The following CADM2 variants were observed in gnomAD, a reference collection of about 807,000 sequenced individuals.
The protein encoded by CADM2 is immunoglobulin superfamily member 4D.
CADM2 carries 12 observed loss-of-function variants against 49.8 expected under a neutral mutation model. The ratio of observed to expected loss-of-function variants is 0.24; its 90% confidence interval spans 0.15 to 0.39. The LOEUF is 0.39. Ranked by LOEUF, CADM2 falls within the 10% of genes least tolerant of loss-of-function variation. The pLI is 1.00. For missense variants in CADM2, 378 were observed against 492.3 expected (o/e 0.77, Z 2.20); for synonymous variants, 214 against 175.4 (o/e 1.22, Z -1.74).
intron 1 of CADM2, among the ~76,000 whole-genome samples, chr3:85,257,956 T>C (rs2042926953): frequency 6.6e-6 from 1 of 152,112 alleles, no homozygotes; most frequent in Non-Finnish European, 1.5e-5. Context: ...ATAATGTCTT[T>C]TTCTTAAAAT....
At chr3:85,556,671 A>C (rs1032282534) in intron 1 of CADM2, among the ~76,000 whole-genome samples, 1 of 152,148 alleles carries the variant, frequency 6.6e-6, no homozygotes, top group African/African-American at 2.4e-5. Flanking sequence ...CAGAGAAACG[A>C]TTTATTTCAC....
intron 3 of CADM2, among the ~76,000 whole-genome samples, chr3:85,865,403 T>C (rs1272945485): frequency 6.6e-6 from 1 of 152,134 alleles, no homozygotes; most frequent in Non-Finnish European, 1.5e-5. Context: ...CCTTCATATT[T>C]TTATTATTAT....
At chr3:85,711,605 A>C (rs890128825) in intron 1 of CADM2, among the ~76,000 whole-genome samples, 1 of 152,174 alleles carries the variant, frequency 6.6e-6, no homozygotes, top group Non-Finnish European at 1.5e-5. Context: ...TTTACATTCT[A>C]GATCACATTG....
chr3:86,057,212 C>T (rs1738099095), intron 8 of CADM2, among the ~76,000 whole-genome samples: 1 of 152,000 alleles, frequency 6.6e-6, no homozygotes, highest in African/African-American at 2.4e-5. Flanking sequence ...TGTCAAAGAA[C>T]AGTTTATTTT....
intron 1 of CADM2, among the ~76,000 whole-genome samples, chr3:85,233,958 G>T (rs2042356154): frequency 6.6e-6 from 1 of 152,004 alleles, no homozygotes; most frequent in South Asian, 2.1e-4. Flanking sequence ...ATATTAGCTA[G>T]CTTAGCTAAC....
chr3:85,403,940 C>A (rs1289754886), intron 1 of CADM2, among the ~76,000 whole-genome samples: 1 of 151,880 alleles, frequency 6.6e-6, no homozygotes, highest in Non-Finnish European at 1.5e-5. Flanking sequence ...ATATTGTGAA[C>A]AAGCTGATCA....
chr3:85,328,009 T>A (rs2044803787), intron 1 of CADM2, among the ~76,000 whole-genome samples: 1 of 152,188 alleles, frequency 6.6e-6, no homozygotes. Context: ...CTGTGATTAT[T>A]GTTTTCAGTC....
At chr3:85,454,071 G>A (rs1038617403) in intron 1 of CADM2, among the ~76,000 whole-genome samples, 1 of 152,038 alleles carries the variant, frequency 6.6e-6, no homozygotes, top group Non-Finnish European at 1.5e-5. Context: ...AAAAATACAA[G>A]CGGCTGGGCG....
At chr3:86,033,596 C>T (rs1734796015) in intron 8 of CADM2, among the ~76,000 whole-genome samples, 1 of 149,932 alleles carries the variant, frequency 6.7e-6, no homozygotes, top group Non-Finnish European at 1.5e-5. Context: ...TAGTTTTTTC[C>T]TTCCAATTTT....
chr3:85,650,720 A>G (rs1331412918), intron 1 of CADM2, among the ~76,000 whole-genome samples: 1 of 151,700 alleles, frequency 6.6e-6, no homozygotes, highest in African/African-American at 2.4e-5. Flanking sequence ...TATGTTGAAC[A>G]CTCAAGTTTG....
chr3:85,657,531 C>A (rs989083839), intron 1 of CADM2, among the ~76,000 whole-genome samples: 5 of 151,446 alleles, frequency 3.3e-5, no homozygotes, highest in Non-Finnish European at 7.4e-5. Flanking sequence ...CTATACGTAT[C>A]TTTGTCTTTC....
intron 8 of CADM2, among the ~76,000 whole-genome samples, chr3:86,021,553 C>T (rs1733184457): frequency 6.6e-6 from 1 of 151,926 alleles, no homozygotes. Flanking sequence ...AATAAAGATC[C>T]CATTTAGCTT....
At chr3:85,011,111 G>A (rs1021681551) in intron 1 of CADM2, among the ~76,000 whole-genome samples, 29 of 151,912 alleles carry the variant, frequency 1.9e-4, no homozygotes, top group African/African-American at 7.0e-4. Context: ...TGATCCGCCC[G>A]CCTCAGCCTC....
At chr3:85,781,386 A>ACTTTCCTTCCTT (rs1385814647) in intron 2 of CADM2, among the ~76,000 whole-genome samples, 1 of 152,080 alleles carries the variant, frequency 6.6e-6, no homozygotes, top group Non-Finnish European at 1.5e-5. Flanking sequence ...TTTAGGTTCT[A>ACTTTCCTTCCTT]TATTCTACTT....
intron 3 of CADM2, among the ~76,000 whole-genome samples, chr3:85,873,783 A>T (rs1711499557): frequency 6.6e-6 from 1 of 152,132 alleles, no homozygotes; most frequent in African/African-American, 2.4e-5. Context: ...TGAATTTTTG[A>T]TGTATGTGAG....
chr3:85,540,174 C>A (rs772564312), intron 1 of CADM2, among the ~76,000 whole-genome samples: 62 of 152,132 alleles, frequency 4.1e-4, no homozygotes, highest in Non-Finnish European at 2.8e-4. Context: ...GGATTATATT[C>A]ATTTTCATCA....
At chr3:86,022,017 G>T (rs191634767) in intron 8 of CADM2, among the ~76,000 whole-genome samples, 10 of 152,134 alleles carry the variant, frequency 6.6e-5, no homozygotes, top group Admixed American at 5.9e-4. Context: ...CTGAAATAAT[G>T]CAAAGTGTTC....
At chr3:85,652,772 C>CTTTTTTTTTTTTTTTGTTTTTTTTTTTTT (rs2065085110) in intron 1 of CADM2, among the ~76,000 whole-genome samples, 1 of 50,782 alleles carries the variant, frequency 2.0e-5, no homozygotes. Flanking sequence ...TTTTTCTTTT[C>CTTTTTTTTTTTTTTTGTTTTTTTTTTTTT]TTTTTTTTTT....
chr3:85,966,245 T>C (rs769424132), intron 8 of CADM2, among the ~76,000 whole-genome samples: 2 of 151,698 alleles, frequency 1.3e-5, no homozygotes, highest in Non-Finnish European at 1.5e-5. Context: ...CAGGTCCAGA[T>C]TGTAGACAAG....
Sources: gnomAD v4.1 joint callset for allele counts (sites outside exome capture counted in the v4.1 genomes callset) on GRCh38, gnomAD v4.1.1 for gene constraint, MANE v1.5 for transcripts, NCBI Gene and HGNC (gene_info 2026-07-23, HGNC 2026-07-21) for gene names.